ANKHD1: variants seen among roughly 807,000 people sequenced by gnomAD.
ANKHD1 encodes ankyrin repeat and KH domain-containing protein 1.
ANKHD1 carries 31 observed loss-of-function variants against 230.5 expected under a neutral mutation model. That is an observed-to-expected ratio of 0.13 (90% CI 0.10 to 0.18). The LOEUF is 0.18. Ranked by LOEUF, ANKHD1 falls within the 10% of genes least tolerant of loss-of-function variation. The pLI is 1.00. For missense variants in ANKHD1, 2,256 were observed against 3,071.3 expected, an observed-to-expected ratio of 0.73 and a Z score of 6.27; for synonymous variants, 1,074 against 1,117.6, an observed-to-expected ratio of 0.96 and a Z score of 0.78.
At position 140,436,169 on chromosome 5, in the gene ANKHD1, A is replaced by G. The variant is rs1349291645; in HGVS notation, c.372A>G (p.Ile124Met). Residue 124 changes from isoleucine (I) to methionine (M), a missense_variant, in exon 2 of 34, where the codon ATA (isoleucine) becomes ATG (methionine). Ile to Met is a conservative substitution (Grantham distance 10). Coordinates refer to ENST00000360839, the MANE Select transcript of ANKHD1 (RefSeq NM_017747.3). Reference sequence around the variant, plus strand: ...CAGTGCTTAAAACAACATCAGAGATATTCTTATCAAGTACTGCAGAAGGAG... The same window carrying G: ...CAGTGCTTAAAACAACATCAGAGATGTTCTTATCAAGTACTGCAGAAGGAG... ...DNPVLKTTSE[I>M]FLSSTAEGAD... 2.5e-6 allele frequency: 4 copies of G among 1,610,264 alleles called. No individual in the cohort carries two copies. The highest frequency in any genetic ancestry group is 3.4e-6 in the Non-Finnish European group (4 of 1,178,356).
intron 9 of ANKHD1, among the ~76,000 whole-genome samples, chr5:140,463,599 G>A (rs572546426): frequency 6.6e-6 from 1 of 152,080 alleles, no homozygotes; most frequent in Admixed American, 6.5e-5. Context: ...GGTCACCTTC[G>A]AAGGATGCTA....
intron 9 of ANKHD1, among the ~76,000 whole-genome samples, chr5:140,463,826 T>G (rs903220885): frequency 2.0e-5 from 3 of 151,830 alleles, no homozygotes; most frequent in African/African-American, 7.3e-5. Flanking sequence ...TGGCTAATTT[T>G]TTTGTTTGTT....
chr5:140,477,644 ACT>A (rs1474633923), intron 10 of ANKHD1, among the ~76,000 whole-genome samples: 1 of 151,078 alleles, frequency 6.6e-6, no homozygotes, highest in East Asian at 1.9e-4. Flanking sequence ...ACGGAGTCTC[ACT>A]CTGTCACCAG....
In ANKHD1 at chr5:140,529,443, C is replaced by T; in HGVS notation, c.6497C>T (p.Thr2166Ile). 1 of 1,614,230 alleles carries T rather than the reference C, an allele frequency of 6.2e-7. No homozygotes were observed. The highest frequency in any genetic ancestry group is 8.5e-7 in the Non-Finnish European group (1 of 1,180,044). The change falls in exon 29 of 34, where the codon ACT becomes ATT. Residue 2166 changes from threonine to isoleucine, a missense_variant. Thr to Ile is a moderately conservative substitution (Grantham distance 89, BLOSUM62 -1). Around this residue, in one of 13 missense-constraint regions of ANKHD1, gnomAD observed 778 missense variants for 966.5 expected, o/e 0.80. Transcript: ENST00000360839. ...PQSIFVTNPV[T>I]LTPPQGPPAA... The stretch of plus-strand genomic sequence containing the variant: ...TCTATTTTTGTTACGAATCCAGTTA[C>T]TTTAACACCACCTCAAGGCCCACCA...
At chr5:140,472,281 C>T (rs761548924) in intron 10 of ANKHD1, 13 of 1,613,620 alleles carry the variant, frequency 8.1e-6, no homozygotes, top group Non-Finnish European at 1.1e-5. Flanking sequence ...GGGCATAGAT[C>T]CGGCCAAGCA....
chr5:140,421,296 CTTTTTTTTTTTT>C (rs35408466), intron 1 of ANKHD1, among the ~76,000 whole-genome samples: 1 of 94,526 alleles, frequency 1.1e-5, no homozygotes, highest in Non-Finnish European at 2.1e-5. Flanking sequence ...AGAGTTTTTA[CTTTTTTTTTTTT>C]TTTTTTTTTT....
chr5:140,407,727 G>A (rs1770584958), intron 1 of ANKHD1, among the ~76,000 whole-genome samples: 1 of 152,022 alleles, frequency 6.6e-6, no homozygotes, highest in Admixed American at 6.6e-5. Context: ...TTAGAATTGT[G>A]GTCTTTTAAT....
chr5:140,449,149 C>G (rs772830637), intron 6 of ANKHD1, 62 bp from the exon 7 acceptor site: 232 of 1,479,802 alleles, frequency 1.6e-4, no homozygotes, highest in Admixed American at 2.1e-4. Flanking sequence ...GATTCCATAC[C>G]TCAATATTTA....
chr5:140,425,439 T>C (rs1772327821), intron 1 of ANKHD1, among the ~76,000 whole-genome samples: 1 of 152,092 alleles, frequency 6.6e-6, no homozygotes, highest in Non-Finnish European at 1.5e-5. Context: ...TTTTGTTTTT[T>C]GTAGAGACAG....
In ANKHD1 at chr5:140,528,448, T is replaced by C; in HGVS notation, c.5502T>C (p.Asn1834=). 1 of 1,614,212 alleles carries C rather than the reference T, an allele frequency of 6.2e-7. No individual in the cohort carries two copies. The highest frequency in any genetic ancestry group is 8.5e-7 in the Non-Finnish European group (1 of 1,180,038). ...TFQPANKLNK[N]VPTNVRSSFP... ...AGCCCGCTAATAAACTTAATAAGAA[T>C]GTTCCAACAAATGTACGTTCTTCTT... is the stretch of plus-strand genomic sequence containing the variant. The change falls in exon 29 of 34, where the codon AAT becomes AAC. Residue 1834 remains asparagine, a synonymous_variant. Coordinates refer to ENST00000360839, the MANE Select transcript of ANKHD1 (RefSeq NM_017747.3).
chr5:140,467,242 T>G (rs1776159741), intron 10 of ANKHD1, among the ~76,000 whole-genome samples: 1 of 152,176 alleles, frequency 6.6e-6, no homozygotes, highest in Admixed American at 6.5e-5. Flanking sequence ...TTTTCACTAT[T>G]ACAAATACTG....
chr5:140,402,136 GGCAGCAGCGGCGGCGGCGGCA>G lies in ANKHD1; in HGVS notation c.172_192del (p.Ser58_Ser64del). 6.5e-7 allele frequency: 1 copy of G among 1,545,252 alleles called. No homozygotes were observed. The highest frequency in any genetic ancestry group is 1.2e-5 in the South Asian group (1 of 82,916). Reference sequence around the variant, plus strand: ...GGAGGCCGGGCCAGCGTCGGGAGTCGGCAGCAGCGGCGGCGGCGGCAGCGGCAGCGGTACGGGCGGAGGGGA... The same window carrying G: ...GGAGGCCGGGCCAGCGTCGGGAGTCGGCGGCAGCGGTACGGGCGGAGGGGA... On this transcript the variant is annotated inframe_deletion, in exon 1 of 34. Transcript: ENST00000360839.
At chr5:140,429,499 T>G (rs1269166303) in intron 1 of ANKHD1, among the ~76,000 whole-genome samples, 1 of 152,190 alleles carries the variant, frequency 6.6e-6, no homozygotes, top group Non-Finnish European at 1.5e-5. Flanking sequence ...AGTAAAAATT[T>G]CATAATCCAA....
intron 1 of ANKHD1, among the ~76,000 whole-genome samples, chr5:140,414,328 G>T (rs2126855204): frequency 6.6e-6 from 1 of 152,226 alleles, no homozygotes; most frequent in East Asian, 1.9e-4. Context: ...ACAAGGAAGG[G>T]TTCTAATTTC....
intron 24 of ANKHD1, among the ~76,000 whole-genome samples, chr5:140,515,983 C>T (rs576596628): frequency 1.1e-4 from 16 of 152,066 alleles, no homozygotes; most frequent in African/African-American, 1.9e-4. Flanking sequence ...AGGCCTCAGA[C>T]GATCAAATTA....
At chr5:140,480,916 T>C (rs1035582937) in intron 10 of ANKHD1, among the ~76,000 whole-genome samples, 23 of 152,074 alleles carry the variant, frequency 1.5e-4, no homozygotes, top group African/African-American at 5.3e-4. Flanking sequence ...TTACACAGAC[T>C]AAAATATGAT....
At chr5:140,424,217 T>TAG (rs1298029039) in intron 1 of ANKHD1, among the ~76,000 whole-genome samples, 8 of 144,898 alleles carry the variant, frequency 5.5e-5, no homozygotes, top group Admixed American at 1.4e-4. Context: ...ACTATATATA[T>TAG]ATAGAGAGAG....
intron 25 of ANKHD1, chr5:140,525,084 C>G (rs989292323): frequency 6.4e-6 from 1 of 156,566 alleles, no homozygotes; most frequent in African/African-American, 2.4e-5. Flanking sequence ...CCATTGCACT[C>G]CAGCCTGGGT....
Position 140,487,014 on chromosome 5 carries a change from C to G in ANKHD1, c.2199C>G (p.Asp733Glu), listed in dbSNP as rs1751534125. The G allele has an allele frequency of 6.2e-7, 1 of 1,613,426 alleles. No individual in the cohort carries two copies. Among genetic ancestry groups the G allele is most frequent in the South Asian group, 1.1e-5 (1 of 91,052 alleles). Residue 733 changes from aspartate (D) to glutamate (E), a missense_variant, in exon 14 of 34, where the codon GAC (aspartate) becomes GAG (glutamate). Physicochemically the swap from Asp to Glu is conservative, Grantham distance 45. This residue lies in a region of ANKHD1 where 358 missense variants were observed against 397.7 expected (regional missense o/e 0.90). Coordinates refer to ENST00000360839, the MANE Select transcript of ANKHD1 (RefSeq NM_017747.3). ...LAMVVPPQEP[D>E]RTSQENSPAL... The stretch of plus-strand genomic sequence containing the variant: ...TGGTTGTACCTCCCCAGGAACCTGA[C>G]AGAACTTCACAGGAGAACTCTCCTG...
Sources: allele counts gnomAD v4.1 joint callset (sites outside exome capture counted in the v4.1 genomes callset), GRCh38; gene constraint gnomAD v4.1.1; regional missense constraint gnomAD v4.1.1; transcripts MANE v1.5; gene names NCBI Gene and HGNC (gene_info 2026-07-23, HGNC 2026-07-21).